TTLL11: variants seen among roughly 807,000 people sequenced by gnomAD.
TTLL11 encodes the protein tubulin tyrosine ligase like 11.
A neutral mutation model predicts 51.7 loss-of-function variants in TTLL11; 42 were observed. That is an observed-to-expected ratio of 0.81 (90% CI 0.64 to 1.05). TTLL11 has a LOEUF of 1.05. Among genes scored for constraint, TTLL11 ranks in the 50% least tolerant of loss-of-function variants. The pLI is 0.00. For missense variants in TTLL11, 799 were observed against 940.4 expected (o/e 0.85, Z 1.97); for synonymous variants, 381 against 383.5 (o/e 0.99, Z 0.08).
At chr9:121,884,941 G>C (rs1052917351) in intron 6 of TTLL11, 1 of 152,194 alleles carries the variant, frequency 6.6e-6, no homozygotes, top group African/African-American at 2.4e-5. Context: ...CACTCTGCAG[G>C]CAAGAAAACT....
At chr9:122,088,035 G>A (rs1356061343) in intron 1 of TTLL11, among the ~76,000 whole-genome samples, 1 of 152,224 alleles carries the variant, frequency 6.6e-6, no homozygotes, top group Non-Finnish European at 1.5e-5. Context: ...TGAATCATCT[G>A]AGGGCTGGCA....
chr9:122,060,349 A>C (rs764811028), intron 1 of TTLL11, among the ~76,000 whole-genome samples: 2 of 152,242 alleles, frequency 1.3e-5, no homozygotes, highest in African/African-American at 4.8e-5. Context: ...GTAGTCTCTT[A>C]TATGAGCCTT....
At position 121,890,071 on chromosome 9, in the gene TTLL11, A is replaced by G. The variant is rs1588098646; in HGVS notation, c.1482-19323T>C. 6.6e-6 allele frequency among the ~76,000 whole-genome samples: 1 copy of G among 152,120 alleles called. No homozygotes were observed. The highest frequency in any genetic ancestry group is 1.9e-4 in the East Asian group (1 of 5,192). ...GCTGAGTCTGTTTATTCATTCATTC[A>G]TTCATTCATGGACATTGTAAATAAT... On this transcript the variant is annotated intron_variant, in intron 6 of 8. Coordinates refer to ENST00000321582, the MANE Select transcript of TTLL11 (RefSeq NM_001139442.2). This position sits in a 1 kb window ranked among gnomAD's most constrained non-coding sequence, Gnocchi z 4.3.
chr9:122,060,403 A>G (rs374808321), intron 1 of TTLL11, among the ~76,000 whole-genome samples: 52 of 152,320 alleles, frequency 3.4e-4, no homozygotes, highest in African/African-American at 1.2e-3. Flanking sequence ...GGTTAGCTTC[A>G]CTGCTCAGAA....
chr9:121,930,076 C>T (rs1003266617), intron 6 of TTLL11, among the ~76,000 whole-genome samples: 7 of 152,160 alleles, frequency 4.6e-5, no homozygotes, highest in Admixed American at 1.3e-4. Context: ...AAGACTCTCC[C>T]GAAATTTGAG....
At chr9:121,900,294 C>G (rs1358045317) in intron 6 of TTLL11, among the ~76,000 whole-genome samples, 1 of 152,228 alleles carries the variant, frequency 6.6e-6, no homozygotes, top group Admixed American at 6.5e-5. Context: ...TCTCTGAGCA[C>G]TCAAACAGAT....
intron 8 of TTLL11, among the ~76,000 whole-genome samples, chr9:121,825,168 G>A (rs79861076): frequency 0.026 from 3,967 of 152,280 alleles, 115 homozygotes; most frequent in African/African-American, 0.065. Context: ...CACCAGCTCT[G>A]GGCCAGGCCT....
chr9:121,968,701 C>T (rs968594479), intron 6 of TTLL11, among the ~76,000 whole-genome samples: 2 of 151,918 alleles, frequency 1.3e-5, no homozygotes, highest in African/African-American at 4.8e-5. Context: ...GGACTACAGA[C>T]ATGCACCACC....
intron 6 of TTLL11, among the ~76,000 whole-genome samples, chr9:121,939,232 G>A (rs1841351674): frequency 6.6e-6 from 1 of 151,910 alleles, no homozygotes; most frequent in African/African-American, 2.4e-5. Flanking sequence ...GTTTATTGAG[G>A]GAAATATTAA....
chr9:122,045,963 G>C (rs1012606326), intron 1 of TTLL11, among the ~76,000 whole-genome samples: 1 of 152,202 alleles, frequency 6.6e-6, no homozygotes, highest in Admixed American at 6.5e-5. Context: ...AAGTTCTGGA[G>C]ATGCATGACA....
At chr9:121,895,484 AGT>A (rs887506455) in intron 6 of TTLL11, among the ~76,000 whole-genome samples, 11 of 147,134 alleles carry the variant, frequency 7.5e-5, no homozygotes, top group African/African-American at 1.5e-4. Context: ...TATGAGTGTT[AGT>A]GTGTGTGGTT....
Position 121,990,826 on chromosome 9 carries a change from G to A in TTLL11, c.694-1056C>T, listed in dbSNP as rs1036194572. Among the ~76,000 whole-genome samples the A allele has an allele frequency of 3.3e-5, 5 of 152,246 alleles. No individual in the cohort carries two copies. The East Asian group carries it at 9.6e-4, about 29-fold the overall frequency. ...CTCTCCTCCCAGCTCCAGGTCAGCA[G>A]AACACTCACATAATTAACTATCCAG... On this transcript the variant is annotated intron_variant, in intron 3 of 8. Transcript: ENST00000321582.
At chr9:121,971,067 T>TGGGGG (rs1277705902) in intron 6 of TTLL11, among the ~76,000 whole-genome samples, 1 of 105,844 alleles carries the variant, frequency 9.4e-6, no homozygotes, top group Non-Finnish European at 2.0e-5. Flanking sequence ...GGGAGGGAGG[T>TGGGGG]GGGGGGGTCA....
intron 1 of TTLL11, among the ~76,000 whole-genome samples, chr9:122,071,600 C>A (rs1845730954): frequency 6.6e-6 from 1 of 152,146 alleles, no homozygotes; most frequent in Non-Finnish European, 1.5e-5. Flanking sequence ...CTGCTGCCGC[C>A]CCCCAGCCCA....
rs74938280 is a variant in TTLL11 at position 121,986,860 on chromosome 9, C to A, written c.1269+2335G>T. ...CCCAAGAGACCTGTCACCTGCTTGC[C>A]ATAGACTGGAAATAACCCAAATGTT... On this transcript the variant is annotated intron_variant, in intron 4 of 8. Coordinates refer to ENST00000321582, the MANE Select transcript of TTLL11 (RefSeq NM_001139442.2). Among the ~76,000 whole-genome samples the A allele has an allele frequency of 6.8e-3, 1,037 of 152,026 alleles. 6 individuals are homozygous for A. Among genetic ancestry groups the A allele is most frequent in the Non-Finnish European group, 0.011 (755 of 68,004 alleles).
intron 4 of TTLL11, among the ~76,000 whole-genome samples, chr9:121,983,550 G>C (rs58851048): frequency 0.023 from 3,487 of 152,288 alleles, 120 homozygotes; most frequent in South Asian, 0.12. Flanking sequence ...CAGAAGAAGA[G>C]GCTGAGAAGC....
chr9:121,899,722 A>T (rs1317449027), intron 6 of TTLL11, among the ~76,000 whole-genome samples: 1 of 151,800 alleles, frequency 6.6e-6, no homozygotes, highest in Non-Finnish European at 1.5e-5. Flanking sequence ...ATTTTAATTA[A>T]TTTTTTCCTC....
At chr9:121,880,652 G>A in intron 6 of TTLL11, among the ~76,000 whole-genome samples, 1 of 152,184 alleles carries the variant, frequency 6.6e-6, no homozygotes, top group Admixed American at 6.5e-5. Context: ...TAGACGGAAA[G>A]TTCCCAGAAG....
intron 3 of TTLL11, among the ~76,000 whole-genome samples, chr9:122,024,001 A>C (rs375313450): frequency 1.3e-5 from 2 of 152,264 alleles, no homozygotes; most frequent in South Asian, 2.1e-4. Flanking sequence ...ATTACAAAGT[A>C]AGACAAAACC....
Sources: allele counts gnomAD v4.1 joint callset (sites outside exome capture counted in the v4.1 genomes callset), GRCh38; gene constraint gnomAD v4.1.1; non-coding constraint Gnocchi (gnomAD v3.1); transcripts MANE v1.5; gene names NCBI Gene and HGNC (gene_info 2026-07-23, HGNC 2026-07-21).